The following SGCD variants were observed in gnomAD, a reference collection of about 807,000 sequenced individuals.
SGCD encodes delta-sarcoglycan.
A neutral mutation model predicts 36.6 loss-of-function variants in SGCD; 18 were observed. The ratio of observed to expected loss-of-function variants is 0.49; its 90% CI spans 0.34 to 0.73. The LOEUF is 0.73. Among genes scored for constraint, SGCD ranks in the 30% least tolerant of loss-of-function variants. SGCD has a pLI of 0.01. For missense variants in SGCD, 387 were observed against 346.7 expected (o/e 1.12, Z -0.92); for synonymous variants, 133 against 130.6 (o/e 1.02, Z -0.12).
chr5:156,021,177 ATTTC>A (rs1350256309), intron 1 of SGCD, among the ~76,000 whole-genome samples: 2 of 152,184 alleles, frequency 1.3e-5, no homozygotes, highest in Admixed American at 6.5e-5. Flanking sequence ...TTCTCACCAT[ATTTC>A]TTTGATAGAG....
At chr5:155,994,673 C>T (rs1758502957) in intron 1 of SGCD, among the ~76,000 whole-genome samples, 1 of 152,194 alleles carries the variant, frequency 6.6e-6, no homozygotes, top group Non-Finnish European at 1.5e-5. Context: ...GTTTCCCCAT[C>T]CTTGTATCCT....
chr5:156,086,172 T>A (rs1311348787), intron 1 of SGCD, among the ~76,000 whole-genome samples: 1 of 152,230 alleles, frequency 6.6e-6, no homozygotes, highest in Non-Finnish European at 1.5e-5. Context: ...GAAATAACAT[T>A]GTCTTATATA....
At chr5:155,951,096 C>T (rs1191726704) in intron 1 of SGCD, among the ~76,000 whole-genome samples, 1 of 152,146 alleles carries the variant, frequency 6.6e-6, no homozygotes, top group Non-Finnish European at 1.5e-5. Context: ...TTTCACACTC[C>T]AAACACAAGA....
At chr5:155,741,097 G>T in the SGCD span, among the ~76,000 whole-genome samples, 2 of 152,172 alleles carry the variant, frequency 1.3e-5, no homozygotes, top group African/African-American at 2.4e-5. Context: ...TGGGTTTAAA[G>T]GTGGGTTTAA....
chr5:156,666,899 A>T (rs888396610), intron 7 of SGCD, among the ~76,000 whole-genome samples: 3 of 152,172 alleles, frequency 2.0e-5, no homozygotes, highest in Non-Finnish European at 4.4e-5. Context: ...GTGAGTTGAG[A>T]TCATGCCACT....
chr5:155,961,276 T>C (rs1273148010), intron 1 of SGCD, among the ~76,000 whole-genome samples: 2 of 152,130 alleles, frequency 1.3e-5, no homozygotes, highest in East Asian at 3.9e-4. Flanking sequence ...TAGTTTTAGA[T>C]TGTATTATTC....
chr5:155,733,722 T>C, the SGCD span, among the ~76,000 whole-genome samples: 1 of 152,036 alleles, frequency 6.6e-6, no homozygotes, highest in Admixed American at 6.6e-5. Flanking sequence ...AAACACTTAA[T>C]GGTTAAGTTG....
At chr5:156,197,213 C>A (rs915875809) in intron 3 of SGCD, among the ~76,000 whole-genome samples, 1 of 152,132 alleles carries the variant, frequency 6.6e-6, no homozygotes, top group Non-Finnish European at 1.5e-5. Flanking sequence ...GAGTATAGAA[C>A]CCTTTTTTTA....
chr5:156,755,080 A>T (rs1274567782), intron 7 of SGCD, among the ~76,000 whole-genome samples: 1 of 152,156 alleles, frequency 6.6e-6, no homozygotes, highest in African/African-American at 2.4e-5. Context: ...GGTGATTCTC[A>T]TGCTCACATT....
At chr5:156,676,767 G>A (rs189905233) in intron 7 of SGCD, among the ~76,000 whole-genome samples, 71 of 152,310 alleles carry the variant, frequency 4.7e-4, no homozygotes, top group Admixed American at 1.3e-3. Context: ...AGCTGAATGG[G>A]TGAACTCTAG....
chr5:156,378,491 T>C (rs1770796510), intron 3 of SGCD, among the ~76,000 whole-genome samples: 1 of 152,176 alleles, frequency 6.6e-6, no homozygotes, highest in African/African-American at 2.4e-5. Context: ...TAGTTTTATG[T>C]TGTGTATTTT....
intron 1 of SGCD, among the ~76,000 whole-genome samples, chr5:156,068,077 G>T (rs1325126200): frequency 6.6e-6 from 1 of 151,616 alleles, no homozygotes; most frequent in Admixed American, 6.6e-5. Context: ...GCAGTGGCCT[G>T]TGATGTCCCT....
chr5:156,486,583 C>T (rs966083840), intron 3 of SGCD, among the ~76,000 whole-genome samples: 1 of 152,136 alleles, frequency 6.6e-6, no homozygotes, highest in African/African-American at 2.4e-5. Context: ...CCACTGATGT[C>T]AATGCCTGCA....
At chr5:156,215,623 CAAT>C (rs756188566) in intron 3 of SGCD, among the ~76,000 whole-genome samples, 1 of 152,048 alleles carries the variant, frequency 6.6e-6, no homozygotes, top group Non-Finnish European at 1.5e-5. Context: ...ATTAAAACAA[CAAT>C]GAGATATCAC....
chr5:155,945,517 G>C (rs73810357), intron 1 of SGCD, among the ~76,000 whole-genome samples: 34,685 of 152,050 alleles, frequency 0.23, 4,565 homozygotes, highest in Admixed American at 0.41. Context: ...GTAGGTTCTG[G>C]AAGGCAAAAG....
chr5:156,525,382 G>A (rs1757602399), intron 4 of SGCD, among the ~76,000 whole-genome samples: 1 of 151,874 alleles, frequency 6.6e-6, no homozygotes, highest in Non-Finnish European at 1.5e-5. Flanking sequence ...TTTGGAAAAA[G>A]GTTTATTCAG....
At chr5:156,654,287 T>C (rs1013636159) in intron 7 of SGCD, among the ~76,000 whole-genome samples, 2 of 152,062 alleles carry the variant, frequency 1.3e-5, no homozygotes, top group Non-Finnish European at 2.9e-5. Flanking sequence ...CTGGGGAACA[T>C]AGAATGGTCT....
At chr5:156,614,915 TCAGGTAC>T (rs564240233) in intron 6 of SGCD, among the ~76,000 whole-genome samples, 103 of 152,310 alleles carry the variant, frequency 6.8e-4, no homozygotes, top group African/African-American at 2.3e-3. Context: ...TTGCTTTCAT[TCAGGTAC>T]CAGTTGTCTT....
chr5:156,746,557 A>G (rs1756945451), intron 7 of SGCD, among the ~76,000 whole-genome samples: 1 of 152,112 alleles, frequency 6.6e-6, no homozygotes, highest in Non-Finnish European at 1.5e-5. Context: ...TACACCAGAG[A>G]GTTTAGAAAT....
Sources: gnomAD v4.1 joint callset for allele counts (sites outside exome capture counted in the v4.1 genomes callset) on GRCh38, gnomAD v4.1.1 for gene constraint, MANE v1.5 for transcripts, NCBI Gene and HGNC (gene_info 2026-07-23, HGNC 2026-07-21) for gene names.